Variants in GULP1 observed in about 807,000 individuals in gnomAD.
GULP1 encodes the protein GULP PTB domain containing engulfment adaptor 1.
Under a neutral mutation model 40.9 loss-of-function variants are expected in GULP1, and 19 were observed. That is an observed-to-expected ratio of 0.46 (90% CI 0.32 to 0.68). GULP1 has a LOEUF of 0.68. GULP1 is among the 30% of genes least tolerant of loss of function. The pLI is 0.03. For missense variants in GULP1, 312 were observed against 362.2 expected (o/e 0.86, Z 1.12); for synonymous variants, 119 against 117.6 (o/e 1.01, Z -0.08).
In GULP1 at chr2:188,578,094, G is replaced by A. The variant is rs971836699; in HGVS notation, c.610-6171G>A. 2.2e-4 allele frequency among the ~76,000 whole-genome samples: 34 copies of A among 151,636 alleles called. 1 individual carries two copies. Among genetic ancestry groups the A allele is most frequent in the Non-Finnish European group, 5.9e-5 (4 of 67,826 alleles). ...ATTATATTTTAATCTTGACATTTTT[G>A]TTTTATGTTTAAAAAGTCTTTGGAT... On this transcript the variant is annotated intron_variant, in intron 9 of 11. Transcript: ENST00000409830.
intron 7 of GULP1, among the ~76,000 whole-genome samples, chr2:188,548,858 G>GTTTTGT (rs141155051): frequency 3.0e-4 from 46 of 151,652 alleles, no homozygotes; most frequent in Admixed American, 1.1e-3. Flanking sequence ...GTTTTGTTTT[G>GTTTTGT]TTTTATTTTG....
chr2:188,300,242 TG>T (rs1216685586), intron 1 of GULP1, among the ~76,000 whole-genome samples: 2 of 152,302 alleles, frequency 1.3e-5, no homozygotes, highest in Admixed American at 6.5e-5. Context: ...AGTTATGATT[TG>T]GCTCTGCATC....
At chr2:188,353,423 A>G (rs769778116) in intron 1 of GULP1, among the ~76,000 whole-genome samples, 75 of 152,032 alleles carry the variant, frequency 4.9e-4, no homozygotes, top group Non-Finnish European at 9.3e-4. Flanking sequence ...TGGTGGAGCC[A>G]CTCTACTCCA....
chr2:188,434,149 A>G lies in GULP1; in HGVS notation c.-44-43510A>G, dbSNP rs149733835. 8.7e-3 allele frequency among the ~76,000 whole-genome samples: 1,329 copies of G among 152,078 alleles called. 10 individuals carry two copies. The highest frequency in any genetic ancestry group is 0.014 in the Non-Finnish European group (939 of 67,940). On this transcript the variant is annotated intron_variant, in intron 2 of 11. Coordinates refer to ENST00000409830, the MANE Select transcript of GULP1 (RefSeq NM_016315.4). ...CAGAAAACAGTTGATCTGCACCTTC[A>G]TATTTCAGAGTTACTTGTGTGCTCC...
chr2:188,356,031 G>A (rs766304301), intron 1 of GULP1, among the ~76,000 whole-genome samples: 1 of 151,946 alleles, frequency 6.6e-6, no homozygotes, highest in Non-Finnish European at 1.5e-5. Flanking sequence ...GGAGGAACAT[G>A]CCTCAACATA....
intron 4 of GULP1, among the ~76,000 whole-genome samples, chr2:188,510,633 C>T (rs1420831465): frequency 2.0e-5 from 3 of 151,876 alleles, no homozygotes; most frequent in Non-Finnish European, 4.4e-5. Context: ...ACAGAATAAA[C>T]ACTTACTTAA....
At position 188,522,815 on chromosome 2, in the gene GULP1, A is replaced by G. The variant is rs748931955; in HGVS notation, c.150A>G (p.Val50=). Residue 50 remains valine (V), a synonymous_variant, in exon 5 of 12, where the codon GTA becomes GTG. Transcript: ENST00000409830. ...GAACAGAAGTTGTGAGAGATGCTGTAAGGAAACTAAAGGTAGGGAAAGGCC... is the reference window on the plus strand; with the variant it reads ...GAACAGAAGTTGTGAGAGATGCTGTGAGGAAACTAAAGGTAGGGAAAGGCC... ...PKGTEVVRDA[V]RKLKFARHIK... 6.2e-7 allele frequency: 1 copy of G among 1,602,134 alleles called. No individual in the cohort carries two copies. The highest frequency in any genetic ancestry group is 1.1e-5 in the South Asian group (1 of 90,802).
At chr2:188,467,039 A>G (rs2060186025) in intron 2 of GULP1, among the ~76,000 whole-genome samples, 1 of 152,124 alleles carries the variant, frequency 6.6e-6, no homozygotes, top group Admixed American at 6.6e-5. Context: ...TCATCCATCA[A>G]TTAGACTGGT....
chr2:188,319,949 C>T (rs577083442), intron 1 of GULP1, among the ~76,000 whole-genome samples: 3 of 152,100 alleles, frequency 2.0e-5, no homozygotes, highest in East Asian at 3.9e-4. Flanking sequence ...GCAATATTGA[C>T]ATTTTGGGAA....
At chr2:188,510,708 A>C (rs1291838148) in intron 4 of GULP1, among the ~76,000 whole-genome samples, 1 of 152,010 alleles carries the variant, frequency 6.6e-6, no homozygotes, top group Non-Finnish European at 1.5e-5. Flanking sequence ...GTCTCATGTT[A>C]TATAAAAATC....
chr2:188,409,773 A>G (rs1007543152), intron 2 of GULP1, among the ~76,000 whole-genome samples: 4 of 152,148 alleles, frequency 2.6e-5, no homozygotes, highest in African/African-American at 9.7e-5. Context: ...ATCAAGTGGG[A>G]ATTTGTTTGG....
At chr2:188,361,281 T>A (rs1186404670) in intron 1 of GULP1, among the ~76,000 whole-genome samples, 4 of 152,056 alleles carry the variant, frequency 2.6e-5, no homozygotes, top group Admixed American at 2.6e-4. Context: ...TTAGAGTCTC[T>A]GAGCATGAAA....
intron 2 of GULP1, among the ~76,000 whole-genome samples, chr2:188,421,396 A>G (rs1390008715): frequency 1.3e-5 from 2 of 152,142 alleles, no homozygotes; most frequent in African/African-American, 4.8e-5. Flanking sequence ...GTATGTATTC[A>G]TAAATATATA....
chr2:188,595,569 T>A lies in GULP1; in HGVS notation c.*1558T>A, dbSNP rs927479788. 5 of 152,180 alleles carry A rather than the reference T, an allele frequency of 3.3e-5. No individual in the cohort carries two copies. Among genetic ancestry groups the A allele is most frequent in the African/African-American group, 1.2e-4 (5 of 41,412 alleles). 9.4% of individuals were successfully genotyped at this position (152,180 alleles called of 1,614,324 possible). A position where few individuals can be genotyped will look rare whatever the true frequency, so the allele number is the denominator to read the frequency against. Reference sequence around the variant, plus strand: ...TGTTTGTCAGATAGTATTTTGGAATTTGTATAATAAGGATGTTTAGAAGCC... The same window carrying A: ...TGTTTGTCAGATAGTATTTTGGAATATGTATAATAAGGATGTTTAGAAGCC... On this transcript the variant is annotated 3_prime_UTR_variant, in exon 12 of 12. Transcript: ENST00000409830.
intron 6 of GULP1, 151 bp downstream of exon 6, chr2:188,529,346 C>A: frequency 2.0e-6 from 1 of 506,096 alleles, no homozygotes; most frequent in South Asian, 3.7e-5. Context: ...GAAGTGAAAA[C>A]AACTTTTGGA....
At chr2:188,553,835 A>G (rs532254776) in intron 7 of GULP1, among the ~76,000 whole-genome samples, 2 of 152,090 alleles carry the variant, frequency 1.3e-5, no homozygotes, top group East Asian at 3.9e-4. Flanking sequence ...TGCTACTCAT[A>G]TTGGCCTGCC....
chr2:188,380,664 C>T (rs887755274), intron 1 of GULP1, among the ~76,000 whole-genome samples: 8 of 152,018 alleles, frequency 5.3e-5, no homozygotes, highest in African/African-American at 1.9e-4. Flanking sequence ...AAACATTTTG[C>T]AAATTAGATT....
chr2:188,488,284 C>T (rs1210815325), intron 4 of GULP1, among the ~76,000 whole-genome samples: 1 of 151,966 alleles, frequency 6.6e-6, no homozygotes, highest in East Asian at 1.9e-4. Flanking sequence ...ATTTCTGGGT[C>T]AAACTATTTG....
At chr2:188,358,518 A>G (rs2045664438) in intron 1 of GULP1, among the ~76,000 whole-genome samples, 1 of 152,204 alleles carries the variant, frequency 6.6e-6, no homozygotes. Context: ...AAGAGTTGGT[A>G]AACATTTGAG....
Sources: allele counts gnomAD v4.1 joint callset (sites outside exome capture counted in the v4.1 genomes callset), GRCh38; gene constraint gnomAD v4.1.1; transcripts MANE v1.5; gene names NCBI Gene and HGNC (gene_info 2026-07-23, HGNC 2026-07-21).